The following EHBP1 variants were observed in gnomAD, a reference collection of about 807,000 sequenced individuals.
The protein encoded by EHBP1 is EH domain-binding protein 1.
Under a neutral mutation model 144.0 loss-of-function variants are expected in EHBP1, and 55 were observed. That is an observed-to-expected ratio of 0.38 (90% CI 0.31 to 0.48). The LOEUF (loss-of-function observed/expected upper bound fraction) is 0.48, where lower values mean the gene tolerates loss of function less well. Ranked by LOEUF, EHBP1 falls within the 20% of genes least tolerant of loss-of-function variation. The probability of loss-of-function intolerance (pLI) is 0.98; values close to 1 mark genes in which losing one functional copy is unlikely to be tolerated. For synonymous variants in EHBP1, 469 were observed against 472.7 expected (o/e 0.99, Z 0.10); for missense variants, 1,200 against 1,364.2 (o/e 0.88, Z 1.90).
chr2:62,728,452 A>C (rs2037056482), intron 2 of EHBP1, among the ~76,000 whole-genome samples: 1 of 152,230 alleles, frequency 6.6e-6, no homozygotes, highest in Non-Finnish European at 1.5e-5. Flanking sequence ...GTAAAGTGTT[A>C]TATCATTGTG....
At chr2:63,022,714 A>G (rs1030084779) in intron 19 of EHBP1, among the ~76,000 whole-genome samples, 5 of 152,210 alleles carry the variant, frequency 3.3e-5, no homozygotes, top group African/African-American at 9.7e-5. Context: ...GGTGGTTTGC[A>G]TAAGAAAACT....
intron 10 of EHBP1, among the ~76,000 whole-genome samples, chr2:62,903,879 A>G (rs2053602431): frequency 1.3e-5 from 2 of 152,194 alleles, no homozygotes; most frequent in Non-Finnish European, 2.9e-5. Context: ...TCTTCATCTA[A>G]TACAAAATTT....
chr2:63,026,619 G>A (rs1381958493), intron 19 of EHBP1, among the ~76,000 whole-genome samples: 1 of 152,114 alleles, frequency 6.6e-6, no homozygotes, highest in Non-Finnish European at 1.5e-5. Context: ...CCAGTGCTAG[G>A]CAGAGTATTC....
chr2:62,784,634 A>G lies in EHBP1; in HGVS notation c.312+13242A>G, dbSNP rs527787751. 2.0e-5 allele frequency among the ~76,000 whole-genome samples: 3 copies of G among 152,314 alleles called. No homozygotes were observed. The East Asian group carries it at 5.8e-4, about 29-fold the overall frequency. On this transcript the variant is annotated intron_variant, in intron 5 of 22. Transcript: ENST00000431489. ...ACTTTTAAAAGTTCACTCACCAGAT[A>G]ATTGTGTGAAGAGAATGGGGTCTGA...
intron 7 of EHBP1, among the ~76,000 whole-genome samples, chr2:62,853,333 A>G (rs2048814271): frequency 6.6e-6 from 1 of 152,214 alleles, no homozygotes. Flanking sequence ...AGTTGGTTCC[A>G]TGTCAAGAAG....
chr2:62,783,714 C>G (rs2042615311), intron 5 of EHBP1, among the ~76,000 whole-genome samples: 4 of 152,216 alleles, frequency 2.6e-5, no homozygotes, highest in Admixed American at 1.3e-4. Context: ...GGACCTGGCT[C>G]AGGAAACCAT....
chr2:63,018,974 T>C (rs2060591483), intron 19 of EHBP1, among the ~76,000 whole-genome samples: 1 of 152,238 alleles, frequency 6.6e-6, no homozygotes, highest in African/African-American at 2.4e-5. Context: ...AATGTGAAAT[T>C]AAATTTGTGT....
At chr2:62,713,198 T>A (rs2035326936) in intron 2 of EHBP1, among the ~76,000 whole-genome samples, 1 of 151,882 alleles carries the variant, frequency 6.6e-6, no homozygotes, top group Non-Finnish European at 1.5e-5. Flanking sequence ...GCTCTTGAAG[T>A]TGCCAAGAAT....
chr2:62,749,938 G>A (rs1404888277), intron 3 of EHBP1, among the ~76,000 whole-genome samples: 5 of 152,128 alleles, frequency 3.3e-5, no homozygotes, highest in South Asian at 4.1e-4. Flanking sequence ...TAGGTTGTCT[G>A]TTCACTCTCA....
intron 7 of EHBP1, among the ~76,000 whole-genome samples, chr2:62,848,996 G>A (rs931620219): frequency 4.6e-5 from 7 of 152,106 alleles, no homozygotes; most frequent in African/African-American, 1.7e-4. Context: ...CTGATTTATT[G>A]ATCTACTGTG....
At chr2:62,869,992 A>G (rs1408884060) in intron 9 of EHBP1, among the ~76,000 whole-genome samples, 1 of 152,196 alleles carries the variant, frequency 6.6e-6, no homozygotes, top group Non-Finnish European at 1.5e-5. Context: ...GTGAGACTAT[A>G]TGAGTCTTTG....
At chr2:62,982,006 C>T (rs939342484) in intron 15 of EHBP1, among the ~76,000 whole-genome samples, 8 of 152,152 alleles carry the variant, frequency 5.3e-5, no homozygotes, top group East Asian at 1.9e-4. Context: ...AGACAAATGA[C>T]GCAGGCCTAT....
chr2:63,033,216 A>G (rs573901936), intron 19 of EHBP1, among the ~76,000 whole-genome samples: 10 of 152,206 alleles, frequency 6.6e-5, no homozygotes, highest in Non-Finnish European at 1.2e-4. Context: ...TTCATGTATC[A>G]TATGTCTTTT....
upstream of EHBP1, chr2:62,705,702 T>A (rs1179789230): frequency 7.0e-6 from 1 of 142,468 alleles, no homozygotes; most frequent in Non-Finnish European, 1.5e-5. Context: ...TGAGCTGCCG[T>A]GGGTAGGGTT....
At chr2:62,937,833 C>T (rs534716657) in intron 10 of EHBP1, among the ~76,000 whole-genome samples, 2 of 152,032 alleles carry the variant, frequency 1.3e-5, no homozygotes, top group South Asian at 2.1e-4. Context: ...TTCAATACTT[C>T]GAAGTATTTT....
At chr2:62,834,204 A>G (rs1397701555) in intron 7 of EHBP1, among the ~76,000 whole-genome samples, 1 of 152,248 alleles carries the variant, frequency 6.6e-6, no homozygotes, top group Non-Finnish European at 1.5e-5. Flanking sequence ...AAGGATTTAG[A>G]ATATCACATC....
chr2:62,719,812 C>A (rs1439925865), intron 2 of EHBP1, among the ~76,000 whole-genome samples: 1 of 152,058 alleles, frequency 6.6e-6, no homozygotes, highest in Admixed American at 6.5e-5. Flanking sequence ...AAATACTATG[C>A]CATTTTATGT....
intron 2 of EHBP1, among the ~76,000 whole-genome samples, chr2:62,727,490 C>A (rs563619547): frequency 3.3e-5 from 5 of 152,096 alleles, no homozygotes; most frequent in African/African-American, 1.2e-4. Context: ...CTCCCCTCCC[C>A]ACTCAACCCC....
chr2:62,696,879 A>T lies in EHBP1; in HGVS notation c.-295-10018A>T, dbSNP rs75648228. ...CATACAAGACAAAAAACAACCTTTA[A>T]TTATTCTATCTCTAAGGATATCTAG... On this transcript the variant is annotated intron_variant, in intron 1 of 22. Transcript: ENST00000405015. Among the ~76,000 whole-genome samples the T allele has an allele frequency of 3.7e-3, 566 of 152,274 alleles. 3 individuals are homozygous for T. Among genetic ancestry groups the T allele is most frequent in the African/African-American group, 0.013 (530 of 41,570 alleles).
Sources: gnomAD v4.1 joint callset for allele counts (sites outside exome capture counted in the v4.1 genomes callset) on GRCh38, gnomAD v4.1.1 for gene constraint, MANE v1.5 for transcripts, NCBI Gene and HGNC (gene_info 2026-07-23, HGNC 2026-07-21) for gene names.